GRID2: variants seen among roughly 807,000 people sequenced by gnomAD.
GRID2 encodes glutamate ionotropic receptor delta type subunit 2.
A neutral mutation model predicts 114.8 loss-of-function variants in GRID2; 33 were observed. The ratio of observed to expected loss-of-function variants is 0.29; its 90% CI spans 0.22 to 0.38. The LOEUF is 0.38. GRID2 is among the 10% of genes least tolerant of loss of function. GRID2 has a pLI of 1.00. For missense variants in GRID2, 1,184 were observed against 1,257.7 expected (o/e 0.94, Z 0.89); for synonymous variants, 505 against 449.9 (o/e 1.12, Z -1.55).
intron 2 of GRID2, among the ~76,000 whole-genome samples, chr4:93,068,451 A>G (rs934789369): frequency 6.6e-6 from 1 of 152,100 alleles, no homozygotes. Flanking sequence ...TGCAGACAGA[A>G]CATTTCTTTG....
chr4:93,289,772 CT>C (rs1190203575), intron 8 of GRID2, among the ~76,000 whole-genome samples: 1 of 152,126 alleles, frequency 6.6e-6, no homozygotes, highest in African/African-American at 2.4e-5. Context: ...GGTATGTCCG[CT>C]TCTTGTTCCC....
At chr4:92,570,986 GA>G (rs1230660384) in intron 1 of GRID2, among the ~76,000 whole-genome samples, 1 of 151,994 alleles carries the variant, frequency 6.6e-6, no homozygotes, top group Non-Finnish European at 1.5e-5. Flanking sequence ...ATACTATGTT[GA>G]ATAGGAGTTT....
chr4:93,747,900 T>C (rs1471648179), intron 14 of GRID2, among the ~76,000 whole-genome samples: 2 of 152,100 alleles, frequency 1.3e-5, no homozygotes, highest in Non-Finnish European at 2.9e-5. Flanking sequence ...ATCTTATTCG[T>C]TCTCACATCG....
At chr4:93,061,360 G>C (rs921295463) in intron 2 of GRID2, among the ~76,000 whole-genome samples, 3 of 151,810 alleles carry the variant, frequency 2.0e-5, no homozygotes, top group African/African-American at 4.8e-5. Flanking sequence ...CCAGCGGCTA[G>C]ATAGAACATG....
intron 8 of GRID2, among the ~76,000 whole-genome samples, chr4:93,271,728 C>A (rs1301522208): frequency 6.6e-6 from 1 of 152,012 alleles, no homozygotes; most frequent in Non-Finnish European, 1.5e-5. Flanking sequence ...ATTAACCCAG[C>A]AGAAAAAATT....
intron 14 of GRID2, among the ~76,000 whole-genome samples, chr4:93,647,747 A>G (rs1047868487): frequency 2.3e-4 from 35 of 152,204 alleles, no homozygotes; most frequent in African/African-American, 8.2e-4. Flanking sequence ...AAGGTATACT[A>G]TACTATACCA....
At chr4:92,778,960 C>G (rs1405574676) in intron 2 of GRID2, among the ~76,000 whole-genome samples, 2 of 151,814 alleles carry the variant, frequency 1.3e-5, no homozygotes. Context: ...AGAATGACAC[C>G]CTATCACCCT....
intron 9 of GRID2, among the ~76,000 whole-genome samples, chr4:93,397,037 C>T (rs977830028): frequency 1.3e-5 from 2 of 151,962 alleles, no homozygotes; most frequent in South Asian, 2.1e-4. Context: ...CTTTTTGATA[C>T]GTTGATGCTA....
rs933985548 is a variant in GRID2, at chr4:93,339,251, G to A, written c.1246-56356G>A. 9.8e-5 allele frequency among the ~76,000 whole-genome samples: 15 copies of A among 152,298 alleles called. 1 individual carries two copies. The highest frequency in any genetic ancestry group is 9.8e-4 in the Admixed American group (15 of 15,296). On this transcript the variant is annotated intron_variant, in intron 8 of 15. Transcript: ENST00000282020. ...GTCCTAACAACTGGTATTTCAAAAT[G>A]TGACTTTATTTGGAAATAGTGTCCA...
intron 8 of GRID2, among the ~76,000 whole-genome samples, chr4:93,338,333 G>T (rs1579731314): frequency 6.6e-6 from 1 of 152,170 alleles, no homozygotes; most frequent in East Asian, 1.9e-4. Flanking sequence ...CTTATATGCG[G>T]TGCAGGATGA....
At chr4:92,899,741 T>C (rs1747435539) in intron 2 of GRID2, among the ~76,000 whole-genome samples, 1 of 152,242 alleles carries the variant, frequency 6.6e-6, no homozygotes, top group African/African-American at 2.4e-5. Context: ...GGTTTTTGCT[T>C]GTACCTAAGT....
intron 1 of GRID2, among the ~76,000 whole-genome samples, chr4:92,368,154 T>C (rs1277645616): frequency 1.3e-5 from 2 of 152,016 alleles, no homozygotes; most frequent in Admixed American, 1.3e-4. Flanking sequence ...TACCAGATGC[T>C]GAGGGACACA....
chr4:92,619,192 A>G (rs1214476209), intron 2 of GRID2, among the ~76,000 whole-genome samples: 3 of 151,598 alleles, frequency 2.0e-5, no homozygotes, highest in African/African-American at 7.3e-5. Flanking sequence ...CAGTGGAGAA[A>G]CTTATTTAAA....
At chr4:93,234,696 ATATT>A (rs1746566297) in intron 7 of GRID2, among the ~76,000 whole-genome samples, 1 of 151,322 alleles carries the variant, frequency 6.6e-6, no homozygotes, top group South Asian at 2.1e-4. Flanking sequence ...ACCCATAAAA[ATATT>A]TGTTTGTTGG....
chr4:92,920,840 C>T (rs1317246507), intron 2 of GRID2, among the ~76,000 whole-genome samples: 1 of 151,900 alleles, frequency 6.6e-6, no homozygotes, highest in Non-Finnish European at 1.5e-5. Flanking sequence ...AGTTGCTCTT[C>T]TCAAGGATTA....
intron 2 of GRID2, among the ~76,000 whole-genome samples, chr4:92,722,291 G>A (rs923379962): frequency 6.6e-6 from 1 of 152,096 alleles, no homozygotes; most frequent in South Asian, 2.1e-4. Context: ...AGAGTATGAG[G>A]CAAGGAGAAA....
intron 13 of GRID2, among the ~76,000 whole-genome samples, chr4:93,591,450 C>T (rs988864701): frequency 1.0e-3 from 158 of 152,044 alleles, no homozygotes; most frequent in Middle Eastern, 6.8e-3. Context: ...CTGCTGGATT[C>T]GGTTTGCCAG....
chr4:93,429,257 C>T (rs982186464), intron 10 of GRID2, among the ~76,000 whole-genome samples: 5 of 152,100 alleles, frequency 3.3e-5, no homozygotes, highest in African/African-American at 4.8e-5. Context: ...AGATTCCCAT[C>T]CCTATAAGGC....
intron 2 of GRID2, among the ~76,000 whole-genome samples, chr4:93,076,581 C>T (rs201646551): frequency 4.7e-5 from 7 of 149,348 alleles, no homozygotes; most frequent in Non-Finnish European, 8.9e-5. Flanking sequence ...CTAACTGAGC[C>T]GCAGACCTTC....
Sources: allele counts gnomAD v4.1 joint callset (sites outside exome capture counted in the v4.1 genomes callset), GRCh38; gene constraint gnomAD v4.1.1; transcripts MANE v1.5; gene names NCBI Gene and HGNC (gene_info 2026-07-23, HGNC 2026-07-21).